The following RNF24 variants were observed in gnomAD, a reference collection of about 807,000 sequenced individuals.
The protein encoded by RNF24 is ring finger protein 24.
In RNF24, 14 loss-of-function variants were observed where a neutral mutation model predicts 20.0. The observed-to-expected ratio is 0.70, with a 90% CI of 0.46 to 1.10. The LOEUF (loss-of-function observed/expected upper bound fraction) is 1.10, where lower values mean the gene tolerates loss of function less well. Among genes scored for constraint, RNF24 ranks in the 50% least tolerant of loss-of-function variants. The pLI, the probability that RNF24 is intolerant of heterozygous loss-of-function variation, is 0.00. For synonymous variants in RNF24, 45 were observed against 61.1 expected (o/e 0.74, Z 1.23); for missense variants, 124 against 177.6 (o/e 0.70, Z 1.71).
intron 4 of RNF24, among the ~76,000 whole-genome samples, chr20:3,938,839 A>G (rs1009927835): frequency 1.3e-5 from 2 of 152,080 alleles, no homozygotes; most frequent in African/African-American, 4.8e-5. Context: ...CCTGATCTCA[A>G]GCAATCCTCC....
intron 1 of RNF24, among the ~76,000 whole-genome samples, chr20:3,975,957 T>C (rs945161511): frequency 6.6e-6 from 1 of 152,166 alleles, no homozygotes; most frequent in Non-Finnish European, 1.5e-5. Context: ...CTGTTCATCT[T>C]TGCATTTTTA....
intron 2 of RNF24, among the ~76,000 whole-genome samples, chr20:3,958,282 T>C (rs886569922): frequency 6.6e-6 from 1 of 152,202 alleles, no homozygotes; most frequent in African/African-American, 2.4e-5. Flanking sequence ...TTCTCCTTAA[T>C]ATATGCATAC....
chr20:3,959,877 C>T (rs978915270), intron 2 of RNF24, among the ~76,000 whole-genome samples: 3 of 152,240 alleles, frequency 2.0e-5, no homozygotes, highest in African/African-American at 4.8e-5. Flanking sequence ...GTGCCAGGCA[C>T]GATTCTGAGT....
chr20:3,966,115 C>A (rs375592811), intron 1 of RNF24, among the ~76,000 whole-genome samples: 2 of 108,540 alleles, frequency 1.8e-5, no homozygotes, highest in Non-Finnish European at 3.4e-5. Flanking sequence ...ACCTGGGTGA[C>A]AGAGCGAGAT....
chr20:3,980,862 G>T (rs1472270495), intron 1 of RNF24, among the ~76,000 whole-genome samples: 1 of 151,366 alleles, frequency 6.6e-6, no homozygotes, highest in Non-Finnish European at 1.5e-5. Context: ...AAAAAGGTCA[G>T]ATCTAATAAC....
intron 1 of RNF24, among the ~76,000 whole-genome samples, chr20:4,011,668 A>C (rs1982470237): frequency 6.6e-6 from 1 of 152,260 alleles, no homozygotes; most frequent in African/African-American, 2.4e-5. Flanking sequence ...AAAACCAAAC[A>C]AACAAAAGAG....
chr20:3,960,604 C>T (rs1473115580), intron 2 of RNF24, among the ~76,000 whole-genome samples: 1 of 151,900 alleles, frequency 6.6e-6, no homozygotes, highest in Non-Finnish European at 1.5e-5. Context: ...GGAGGCAGAG[C>T]TTGCAGTGAG....
At chr20:3,970,129 C>T (rs1443199589) in intron 1 of RNF24, among the ~76,000 whole-genome samples, 1 of 152,090 alleles carries the variant, frequency 6.6e-6, no homozygotes, top group Admixed American at 6.5e-5. Flanking sequence ...AGGAGGATCT[C>T]GTGAAGAATC....
intron 1 of RNF24, among the ~76,000 whole-genome samples, chr20:3,981,466 T>C (rs914005003): frequency 2.6e-5 from 4 of 152,158 alleles, no homozygotes; most frequent in African/African-American, 7.2e-5. Flanking sequence ...ATAAAATTCT[T>C]TCTCCACTGT....
chr20:3,939,598 C>T (rs2090931854), intron 4 of RNF24, among the ~76,000 whole-genome samples: 1 of 152,142 alleles, frequency 6.6e-6, no homozygotes, highest in Admixed American at 6.5e-5. Flanking sequence ...AAAACTGTAG[C>T]TTTGTATAGT....
At chr20:3,946,628 A>C (rs749434031) in intron 3 of RNF24, among the ~76,000 whole-genome samples, 1 of 144,386 alleles carries the variant, frequency 6.9e-6, no homozygotes, top group Non-Finnish European at 1.5e-5. Context: ...GAGCCCAGGG[A>C]GGTCAAGGCT....
At chr20:4,013,851 A>G (rs1403401489) in intron 1 of RNF24, among the ~76,000 whole-genome samples, 1 of 152,226 alleles carries the variant, frequency 6.6e-6, no homozygotes, top group Non-Finnish European at 1.5e-5. Flanking sequence ...CACCCTGTAA[A>G]AGTATATGGG....
Position 3,934,973 on chromosome 20 carries a change from T to A in RNF24, c.308+21A>T. 1 of 1,607,694 alleles carries A rather than the reference T, an allele frequency of 6.2e-7. No homozygotes were observed. ...TGCCTCAAACTCGGGTCCCATTAAG[T>A]AATTCCATACCAATACTTACTTTCT... On this transcript the variant is annotated intron_variant, in intron 5 of 5. Transcript: ENST00000358395. The surrounding 1 kb of genome is among the most constrained non-coding windows in gnomAD (Gnocchi z 4.0).
intron 1 of RNF24, among the ~76,000 whole-genome samples, chr20:3,982,136 A>T (rs1979463235): frequency 2.0e-4 from 16 of 78,798 alleles, no homozygotes; most frequent in African/African-American, 3.6e-4. Flanking sequence ...TCTCTCTCTC[A>T]ATAAATAAAT....
intron 1 of RNF24, among the ~76,000 whole-genome samples, chr20:3,966,498 G>GTGTGTA (rs2091260366): frequency 6.6e-6 from 1 of 151,672 alleles, no homozygotes; most frequent in Non-Finnish European, 1.5e-5. Flanking sequence ...GTGTGTGTGT[G>GTGTGTA]TGTGTGTGTT....
chr20:3,984,191 T>C (rs562025734), intron 1 of RNF24, among the ~76,000 whole-genome samples: 1 of 150,912 alleles, frequency 6.6e-6, no homozygotes, highest in Non-Finnish European at 1.5e-5. Context: ...GACCAGATCA[T>C]ACCACTGCAC....
chr20:3,967,973 C>CAAAAAAAAAAA (rs58984163), intron 1 of RNF24, among the ~76,000 whole-genome samples: 3 of 77,178 alleles, frequency 3.9e-5, no homozygotes, highest in Non-Finnish European at 7.5e-5. Flanking sequence ...AGCCTGGCAA[C>CAAAAAAAAAAA]AAAAAAAAAA....
At chr20:3,988,476 T>TG (rs1980128091) in intron 1 of RNF24, among the ~76,000 whole-genome samples, 1 of 141,636 alleles carries the variant, frequency 7.1e-6, no homozygotes, top group East Asian at 2.0e-4. Context: ...TTTTTTTTTT[T>TG]TGAGACATGG....
intron 1 of RNF24, among the ~76,000 whole-genome samples, chr20:3,967,160 C>T (rs901881729): frequency 6.6e-6 from 1 of 152,104 alleles, no homozygotes; most frequent in Non-Finnish European, 1.5e-5. Flanking sequence ...TGTATTTTCA[C>T]CAGAAGTATT....
Sources: gnomAD v4.1 joint callset for allele counts (sites outside exome capture counted in the v4.1 genomes callset) on GRCh38, gnomAD v4.1.1 for gene constraint, Gnocchi (gnomAD v3.1) non-coding constraint, MANE v1.5 for transcripts, NCBI Gene and HGNC (gene_info 2026-07-23, HGNC 2026-07-21) for gene names.